CRACD: variants seen among roughly 807,000 people sequenced by gnomAD.
CRACD encodes the protein capping protein inhibiting regulator of actin dynamics.
In CRACD, 56 loss-of-function variants were observed where a neutral mutation model predicts 106.8. That is an observed-to-expected ratio of 0.52 (90% CI 0.42 to 0.66). The LOEUF is 0.66. CRACD is among the 30% of genes least tolerant of loss of function. The pLI, the probability that CRACD is intolerant of heterozygous loss-of-function variation, is 0.00. For missense variants in CRACD, 1,730 were observed against 1,623.2 expected (o/e 1.07, Z -1.13); for synonymous variants, 754 against 670.8 (o/e 1.12, Z -1.92).
At chr4:56,198,912 T>C (rs189704413) in intron 2 of CRACD, among the ~76,000 whole-genome samples, 155 of 152,332 alleles carry the variant, frequency 1.0e-3, no homozygotes, top group African/African-American at 3.5e-3. Context: ...CCATCGATTA[T>C]GTAGTGTTCA....
intron 1 of CRACD, among the ~76,000 whole-genome samples, chr4:56,161,673 TG>T (rs1320454196): frequency 1.3e-5 from 2 of 152,176 alleles, no homozygotes; most frequent in African/African-American, 4.8e-5. Flanking sequence ...TTGGCCAGGT[TG>T]GTCTCGAACT....
chr4:56,151,036 G>T (rs143019263), intron 1 of CRACD, among the ~76,000 whole-genome samples: 1,962 of 152,236 alleles, frequency 0.013, 18 homozygotes, highest in Admixed American at 0.041. Flanking sequence ...TCGCTCTGTT[G>T]TCCAGGCTGG....
intron 1 of CRACD, among the ~76,000 whole-genome samples, chr4:56,059,167 G>A (rs1732184752): frequency 6.6e-6 from 1 of 152,180 alleles, no homozygotes; most frequent in Non-Finnish European, 1.5e-5. Context: ...GCAAGGCTTG[G>A]TGGCGCCTGT....
At chr4:56,110,692 G>A (rs1238919308) in intron 1 of CRACD, among the ~76,000 whole-genome samples, 3 of 152,134 alleles carry the variant, frequency 2.0e-5, no homozygotes, top group African/African-American at 7.2e-5. Flanking sequence ...CGTTTCCCAC[G>A]TTCAAATGAT....
chr4:56,111,946 T>C (rs1304056620), intron 1 of CRACD, among the ~76,000 whole-genome samples: 1 of 152,232 alleles, frequency 6.6e-6, no homozygotes, highest in Non-Finnish European at 1.5e-5. Context: ...AGCACGACCA[T>C]GCATACATTA....
intron 2 of CRACD, among the ~76,000 whole-genome samples, chr4:56,222,623 A>T (rs1739104630): frequency 1.3e-5 from 2 of 152,092 alleles, no homozygotes; most frequent in Non-Finnish European, 2.9e-5. Flanking sequence ...GAATTTTTTC[A>T]CCTCTGGGAA....
rs1482137038 is a variant in CRACD, at chr4:56,188,641, C to CTCTA, written c.-189+9214_-189+9215insATCT. ...GTCTAGCCTCTCTCTCTCTCTCTCTCTCTCTCTATCTCTCTATTTCTCTCT... is the reference window on the plus strand; with the variant it reads ...GTCTAGCCTCTCTCTCTCTCTCTCTCTCTATCTCTCTATCTCTCTATTTCTCTCT... On this transcript the variant is annotated intron_variant, in intron 2 of 10. Transcript: ENST00000682029. Among the ~76,000 whole-genome samples, 148 of 146,696 alleles carry CTCTA rather than the reference C, an allele frequency of 1.0e-3. 1 individual carries two copies. The highest frequency in any genetic ancestry group is 3.5e-3 in the African/African-American group (137 of 38,690).
chr4:56,243,455 G>T (rs1740488610), intron 2 of CRACD, among the ~76,000 whole-genome samples: 1 of 152,164 alleles, frequency 6.6e-6, no homozygotes, highest in African/African-American at 2.4e-5. Context: ...TAACTTGTTT[G>T]AGTCACTGTA....
At chr4:56,197,237 T>C (rs1737653554) in intron 2 of CRACD, among the ~76,000 whole-genome samples, 1 of 152,106 alleles carries the variant, frequency 6.6e-6, no homozygotes, top group Non-Finnish European at 1.5e-5. Flanking sequence ...CTGTCGATGA[T>C]TGGATTTATC....
intron 1 of CRACD, among the ~76,000 whole-genome samples, chr4:56,102,342 C>T (rs983417882): frequency 6.6e-6 from 1 of 152,042 alleles, no homozygotes; most frequent in African/African-American, 2.4e-5. Context: ...TAAAGTTTGT[C>T]TTTTTTCCGT....
rs1745662294 is a variant in CRACD, at chr4:56,316,473, C to T, written c.2971C>T (p.Arg991Cys). ...GCCCTACTTGGTAGAGCTGCTGTCTCGCCGAGCGGGGAGGCCGGACCCAGA... is the reference window on the plus strand; with the variant it reads ...GCCCTACTTGGTAGAGCTGCTGTCTTGCCGAGCGGGGAGGCCGGACCCAGA... ...SRPYLVELLS[R>C]RAGRPDPEPS... The change falls in exon 8 of 11, where the codon CGC becomes TGC. Residue 991 changes from arginine (R) to cysteine (C), a missense_variant. Physicochemically the swap from Arg to Cys is radical, Grantham distance 180 (BLOSUM62 -3). This residue lies in a region of CRACD where 1,620 missense variants were observed against 1,481.6 expected (regional missense o/e 1.09). Transcript: ENST00000682029. 2 of 1,613,780 alleles carry T rather than the reference C, an allele frequency of 1.2e-6. No homozygotes were observed. The highest frequency in any genetic ancestry group is 1.7e-6 in the Non-Finnish European group (2 of 1,179,844).
chr4:56,315,029 A>G lies in CRACD; in HGVS notation c.1527A>G (p.Glu509=), dbSNP rs760550485. The G allele has an allele frequency of 2.5e-6, 4 of 1,596,896 alleles. No homozygotes were observed. Among genetic ancestry groups the G allele is most frequent in the Non-Finnish European group, 3.4e-6 (4 of 1,173,134 alleles). ...EAAQPPVERK[E]AAALEQGRKV... ...CGCAGCCTCCGGTGGAGAGGAAAGAAGCCGCCGCCCTTGAACAAGGCCGCA... is the reference window on the plus strand; with the variant it reads ...CGCAGCCTCCGGTGGAGAGGAAAGAGGCCGCCGCCCTTGAACAAGGCCGCA... Residue 509 remains glutamate (E), a synonymous_variant, in exon 8 of 11, where the codon GAA becomes GAG. Transcript: ENST00000682029. This position sits in a 1 kb window ranked among gnomAD's most constrained non-coding sequence, Gnocchi z 4.1.
chr4:56,132,578 A>G (rs1477904576), intron 1 of CRACD, among the ~76,000 whole-genome samples: 1 of 152,086 alleles, frequency 6.6e-6, no homozygotes, highest in Non-Finnish European at 1.5e-5. Context: ...GGCTCAAGTG[A>G]TCTGCCTGCC....
At chr4:56,207,987 ATT>A (rs1191794918) in intron 2 of CRACD, among the ~76,000 whole-genome samples, 4 of 138,786 alleles carry the variant, frequency 2.9e-5, no homozygotes, top group Admixed American at 7.3e-5. Flanking sequence ...TGGTTAATTA[ATT>A]TTTTTTTTTT....
intron 2 of CRACD, among the ~76,000 whole-genome samples, chr4:56,188,929 C>T (rs944979651): frequency 1.1e-4 from 17 of 152,144 alleles, no homozygotes; most frequent in African/African-American, 4.1e-4. Flanking sequence ...CCCAGTACTT[C>T]GGAAGGCCGA....
intron 2 of CRACD, among the ~76,000 whole-genome samples, chr4:56,244,195 C>T (rs983017860): frequency 6.6e-6 from 1 of 151,972 alleles, no homozygotes; most frequent in Non-Finnish European, 1.5e-5. Flanking sequence ...AGCCCTGGCT[C>T]CCATCAAAAT....
chr4:56,136,278 A>T (rs1734996621), intron 1 of CRACD, among the ~76,000 whole-genome samples: 1 of 152,182 alleles, frequency 6.6e-6, no homozygotes, highest in South Asian at 2.1e-4. Flanking sequence ...ATAAATACGT[A>T]GGAGTGAAAT....
chr4:56,301,865 T>G (rs1744392469), intron 4 of CRACD, among the ~76,000 whole-genome samples: 1 of 152,142 alleles, frequency 6.6e-6, no homozygotes, highest in Non-Finnish European at 1.5e-5. Context: ...AAATCACCAT[T>G]TTTTTTCTAA....
rs1744102904 is a variant in CRACD, at chr4:56,297,167, TC to T, written c.-16-1045del. 2.6e-5 allele frequency among the ~76,000 whole-genome samples: 4 copies of T among 152,284 alleles called. No individual in the cohort carries two copies. In the South Asian group the frequency reaches 8.3e-4, roughly 32 times the overall value. On this transcript the variant is annotated intron_variant, in intron 3 of 10. Transcript: ENST00000682029. ...CATATTGCCCAGGCTGGTCTCGAAC[TC>T]CAGACCTCAGGTGATCTGCCTGCCT...
Sources: gnomAD v4.1 joint callset for allele counts (sites outside exome capture counted in the v4.1 genomes callset) on GRCh38, gnomAD v4.1.1 for gene constraint, gnomAD v4.1.1 regional missense constraint, Gnocchi (gnomAD v3.1) non-coding constraint, MANE v1.5 for transcripts, NCBI Gene and HGNC (gene_info 2026-07-23, HGNC 2026-07-21) for gene names.